Variants in TMEM65 observed in about 807,000 individuals in gnomAD.
The protein encoded by TMEM65 is transmembrane protein 65.
TMEM65 carries 22 observed loss-of-function variants against 25.4 expected under a neutral mutation model. That is an observed-to-expected ratio of 0.86 (90% confidence interval 0.62 to 1.23). The LOEUF (loss-of-function observed/expected upper bound fraction) is 1.23, where lower values mean the gene tolerates loss of function less well. Among genes scored for constraint, TMEM65 ranks in the 50% most tolerant of loss-of-function variants. The pLI is 0.00. For missense variants in TMEM65, 262 were observed against 308.2 expected, an observed-to-expected ratio of 0.85 and a Z score of 1.12; for synonymous variants, 132 against 126.2, an observed-to-expected ratio of 1.05 and a Z score of -0.31.
At chr8:124,323,477 T>C in intron 3 of TMEM65, 102 bp from the exon 4 acceptor site, 1 of 552,166 alleles carries the variant, frequency 1.8e-6, no homozygotes, top group Non-Finnish European at 3.1e-6. Flanking sequence ...ATCAACATGT[T>C]AGTGCTGCAA....
At chr8:124,360,558 T>C (rs1055630121) in intron 1 of TMEM65, among the ~76,000 whole-genome samples, 4 of 152,212 alleles carry the variant, frequency 2.6e-5, no homozygotes, top group Non-Finnish European at 5.9e-5. Flanking sequence ...ATCTAACCTT[T>C]GTTTAAGGTG....
At chr8:124,322,906 G>A (rs899869689) in intron 4 of TMEM65, among the ~76,000 whole-genome samples, 2 of 151,942 alleles carry the variant, frequency 1.3e-5, no homozygotes, top group Non-Finnish European at 2.9e-5. Flanking sequence ...TGAGATAGGA[G>A]AATCCCTTGA....
At position 124,349,472 on chromosome 8, in the gene TMEM65, T is replaced by C. The variant is rs370565867; in HGVS notation, c.305-18680A>G. On this transcript the variant is annotated intron_variant, in intron 1 of 6. Coordinates refer to ENST00000297632, the MANE Select transcript of TMEM65 (RefSeq NM_194291.3). The stretch of plus-strand genomic sequence containing the variant: ...ATGGTTTCAGAACAACTGGAAACTA[T>C]TACATGGTTCCAAAACAACTGGATA... 2.6e-5 allele frequency among the ~76,000 whole-genome samples: 4 copies of C among 152,188 alleles called. No homozygotes were observed. In the East Asian group the frequency reaches 7.7e-4, roughly 29 times the overall value.
chr8:124,359,468 C>G (rs1027082196), intron 1 of TMEM65, among the ~76,000 whole-genome samples: 2 of 152,124 alleles, frequency 1.3e-5, no homozygotes, highest in Non-Finnish European at 2.9e-5. Context: ...TTTTTAAAGA[C>G]TGTAAGATCA....
chr8:124,363,367 T>C (rs1481875557), intron 1 of TMEM65, among the ~76,000 whole-genome samples: 1 of 152,212 alleles, frequency 6.6e-6, no homozygotes, highest in East Asian at 1.9e-4. Context: ...TCAGTCCTAA[T>C]TATGGTGATT....
intron 1 of TMEM65, among the ~76,000 whole-genome samples, chr8:124,367,661 G>C (rs187313869): frequency 2.0e-5 from 3 of 152,220 alleles, no homozygotes; most frequent in Admixed American, 6.5e-5. Flanking sequence ...TTATCTTTCA[G>C]TCTTTCATTT....
Position 124,371,894 on chromosome 8 carries a change from G to A in TMEM65, c.264C>T (p.Leu88=), listed in dbSNP as rs771515043. 9 of 1,550,816 alleles carry A rather than the reference G, an allele frequency of 5.8e-6. No homozygotes were observed. Among genetic ancestry groups the A allele is most frequent in the East Asian group, 2.6e-5 (1 of 38,798 alleles). The change falls in exon 1 of 7, where the codon CTC becomes CTT. Residue 88 remains leucine, a synonymous_variant. Coordinates refer to ENST00000297632, the MANE Select transcript of TMEM65 (RefSeq NM_194291.3). ...SLHSTERSCL[L]KELHRFESIA... ...TAGACTCGAAGCGGTGCAGCTCTTT[G>A]AGCAGGCAGCTCCTCTCCGTGGAGT...
intron 1 of TMEM65, among the ~76,000 whole-genome samples, chr8:124,344,727 T>C (rs978535981): frequency 2.0e-5 from 3 of 152,222 alleles, no homozygotes; most frequent in African/African-American, 7.2e-5. Context: ...TGTTAAGAAG[T>C]ATACTTCAGT....
intron 1 of TMEM65, among the ~76,000 whole-genome samples, chr8:124,340,117 A>G (rs1814567512): frequency 6.6e-6 from 1 of 152,182 alleles, no homozygotes; most frequent in Non-Finnish European, 1.5e-5. Flanking sequence ...CACAAATATC[A>G]TTCAAAAGTT....
At chr8:124,368,136 G>A (rs950668356) in intron 1 of TMEM65, among the ~76,000 whole-genome samples, 4 of 151,308 alleles carry the variant, frequency 2.6e-5, no homozygotes, top group Admixed American at 6.6e-5. Flanking sequence ...ATGTACCCCC[G>A]ATGATTCCCA....
Position 124,354,436 on chromosome 8 carries a change from G to C in TMEM65, c.304+17418C>G, listed in dbSNP as rs573620056. On this transcript the variant is annotated intron_variant, in intron 1 of 6. Transcript: ENST00000297632. ...CATACCACAGTACTCCCGTTGCAGT[G>C]GACAATGTGGTACATAATCTGATCC... 9.5e-4 allele frequency among the ~76,000 whole-genome samples: 145 copies of C among 152,264 alleles called. 2 individuals carry two copies. Among genetic ancestry groups the C allele is most frequent in the African/African-American group, 3.3e-3 (139 of 41,534 alleles).
intron 1 of TMEM65, among the ~76,000 whole-genome samples, chr8:124,347,145 T>C (rs1814648858): frequency 1.3e-5 from 2 of 152,190 alleles, no homozygotes; most frequent in South Asian, 2.1e-4. Context: ...GAAAAATGAA[T>C]GTTAAGCTTT....
At chr8:124,360,246 T>C (rs1442710604) in intron 1 of TMEM65, among the ~76,000 whole-genome samples, 4 of 151,976 alleles carry the variant, frequency 2.6e-5, no homozygotes, top group Non-Finnish European at 5.9e-5. Flanking sequence ...CTGGCTAACA[T>C]GGTGAAACTC....
At chr8:124,360,761 T>C (rs759940563) in intron 1 of TMEM65, among the ~76,000 whole-genome samples, 3 of 152,178 alleles carry the variant, frequency 2.0e-5, no homozygotes, top group Non-Finnish European at 2.9e-5. Context: ...CAGCTAACAA[T>C]TGCTTAGGGC....
In TMEM65 at chr8:124,327,360, A is replaced by G. The variant is rs751364652; in HGVS notation, c.411T>C (p.Ile137=). 1 of 1,600,546 alleles carries G rather than the reference A, an allele frequency of 6.2e-7. No homozygotes were observed. Among genetic ancestry groups the G allele is most frequent in the South Asian group, 1.1e-5 (1 of 88,472 alleles). ...GFGFLDNAIM[I]VAGTHIEMSI... The stretch of plus-strand genomic sequence containing the variant: ...AGTGAGAGAAAGAACTTACAGCAAC[A>G]ATCATAATTGCATTATCCAAAAAGC... The change falls in exon 3 of 7, where the codon ATT becomes ATC. Residue 137 remains isoleucine (I), a synonymous_variant. Transcript: ENST00000297632.
At chr8:124,326,939 T>C (rs961058365) in intron 3 of TMEM65, among the ~76,000 whole-genome samples, 8 of 152,028 alleles carry the variant, frequency 5.3e-5, no homozygotes, top group African/African-American at 1.7e-4. Flanking sequence ...AGACTATGTA[T>C]CAAAACATGC....
intron 6 of TMEM65, 46 bp downstream of exon 6, chr8:124,320,040 G>T: frequency 6.7e-7 from 1 of 1,487,660 alleles, no homozygotes; most frequent in Non-Finnish European, 9.3e-7. Context: ...ACAGAATCTT[G>T]CTCTGGCTAC....
At chr8:124,330,868 A>T (rs1814423743) in intron 1 of TMEM65, 76 bp from the exon 2 acceptor site, 9 of 1,341,582 alleles carry the variant, frequency 6.7e-6, no homozygotes, top group Non-Finnish European at 8.3e-6. Context: ...TGAAGAAAAT[A>T]CCAGAAGATT....
chr8:124,308,991 G>A lies in TMEM65; in HGVS notation c.*4969C>T. The A allele has an allele frequency of 6.6e-6, 1 of 152,418 alleles. No homozygotes were observed. Among genetic ancestry groups the A allele is most frequent in the Non-Finnish European group, 1.5e-5 (1 of 68,182 alleles). 9.4% of individuals were successfully genotyped at this position (152,418 alleles called of 1,614,324 possible). A position where few individuals can be genotyped will look rare whatever the true frequency, so the allele number is the denominator to read the frequency against. On this transcript the variant is annotated 3_prime_UTR_variant, in exon 7 of 7. Coordinates refer to ENST00000297632, the MANE Select transcript of TMEM65 (RefSeq NM_194291.3). ...CCCCTTGCACCTCTGCTACCACTAA[G>A]AGCAAGACCAATCCTTCCTCTTCCT...
Sources: allele counts gnomAD v4.1 joint callset (sites outside exome capture counted in the v4.1 genomes callset), GRCh38; gene constraint gnomAD v4.1.1; transcripts MANE v1.5; gene names NCBI Gene and HGNC (gene_info 2026-07-23, HGNC 2026-07-21).